DDX3Y: variants seen among roughly 807,000 people sequenced by gnomAD.
The protein encoded by DDX3Y is DEAD-box helicase 3 Y-linked.
Under a neutral mutation model 15.1 loss-of-function variants are expected in DDX3Y, and 2 were observed. That is an observed-to-expected ratio of 0.13 (90% CI 0.05 to 0.42). The LOEUF is 0.42. DDX3Y is among the 10% of genes least tolerant of loss of function. DDX3Y has a pLI of 0.99. For synonymous variants in DDX3Y, 47 were observed against 45.0 expected, an observed-to-expected ratio of 1.04 and a Z score of -0.18; for missense variants, 81 against 149.9, an observed-to-expected ratio of 0.54 and a Z score of 2.40.
At position 12,904,898 on chromosome Y, in the gene DDX3Y, C is replaced by T; in HGVS notation, c.-39C>T. ...AAGAGTTCCGCTATTCGGTCTCACA[C>T]CTACAGTGGACTACCCGATTTTTCG... On this transcript the variant is annotated 5_prime_UTR_variant, in exon 1 of 17. Transcript: ENST00000336079. 1 of 394,071 alleles carries T rather than the reference C, an allele frequency of 2.5e-6. No homozygotes were observed. The highest frequency in any genetic ancestry group is 3.6e-6 in the Non-Finnish European group (1 of 279,093).
At position 12,905,754 on chromosome Y, in the gene DDX3Y, G is replaced by A. The variant is rs1414748597; in HGVS notation, c.45+773G>A. 4 of 314,352 alleles carry A rather than the reference G, an allele frequency of 1.3e-5. No individual in the cohort carries two copies. In the East Asian group the frequency reaches 6.8e-4, roughly 54 times the overall value. 78.4% of individuals were successfully genotyped at this position (314,352 alleles called of 400,897 possible). On this transcript the variant is annotated intron_variant, in intron 1 of 16. Transcript: ENST00000336079. The stretch of plus-strand genomic sequence containing the variant: ...GAGGGTAGGGAAGGATGGCTGCCGC[G>A]TGCTTCTCTTGACCCTGTAGAAATA...
At chrY:12,911,062 G>A (rs2053626135) in intron 3 of DDX3Y, among the ~76,000 whole-genome samples, 1 of 31,626 alleles carries the variant, frequency 3.2e-5, no homozygotes, top group African/African-American at 1.3e-4. Flanking sequence ...ATAGGTGCCC[G>A]CCACCATGCC....
chrY:12,913,860 T>A lies in DDX3Y; in HGVS notation c.673+7T>A. ...ATGGCTTGTGCCCAAACAGGTAAGC[T>A]TACTCAATACAAAGTGAAAGTTAAG... On this transcript the variant is annotated splice_region_variant and intron_variant, in intron 7 of 16. Transcript: ENST00000336079. 5.1e-6 allele frequency: 2 copies of A among 390,357 alleles called. No homozygotes were observed. Among genetic ancestry groups the A allele is most frequent in the Non-Finnish European group, 7.2e-6 (2 of 279,031 alleles).
At chrY:12,907,425 A>G in intron 1 of DDX3Y, 112 bp from the exon 2 acceptor site, 1 of 133,822 alleles carries the variant, frequency 7.5e-6, no homozygotes, top group Non-Finnish European at 1.3e-5. Flanking sequence ...CCAGGCCGAC[A>G]TGGCAGCTAA....
At chrY:12,917,995 A>G in intron 16 of DDX3Y, 48 bp from the exon 17 acceptor site, 1 of 283,600 alleles carries the variant, frequency 3.5e-6, no homozygotes, top group Non-Finnish European at 5.4e-6. Context: ...GAGAAAAAAA[A>G]GGTATTAACG....
At position 12,913,050 on chromosome Y, in the gene DDX3Y, A is replaced by G. The variant is rs1481064202; in HGVS notation, c.525A>G (p.Pro175=). Residue 175 remains proline (P), a synonymous_variant, in exon 6 of 17, where the codon CCA becomes CCG. Coordinates refer to ENST00000336079, the MANE Select transcript of DDX3Y (RefSeq NM_004660.5). ...AGGCAACCGGCAGTAACTGTCCTCCACATATTGAGAATGTAAGTTTTTTGT... is the reference window on the plus strand; with the variant it reads ...AGGCAACCGGCAGTAACTGTCCTCCGCATATTGAGAATGTAAGTTTTTTGT... ...PVEATGSNCP[P]HIENFSDIDM... is the part of the protein sequence containing the mutation. 5.1e-6 allele frequency: 2 copies of G among 390,746 alleles called. No individual in the cohort carries two copies. The highest frequency in any genetic ancestry group is 7.2e-6 in the Non-Finnish European group (2 of 276,603).
chrY:12,916,980 T>C lies in DDX3Y; in HGVS notation c.1683T>C (p.Ala561=). ...TKDLLDLLVE[A]KQEVPSWLEN... ...ATTTGTTGGATCTTCTTGTAGAAGC[T>C]AAACAAGAAGTGCCTTCTTGGTTGG... Residue 561 remains alanine, a synonymous_variant, in exon 15 of 17, where the codon GCT becomes GCC. Coordinates refer to ENST00000336079, the MANE Select transcript of DDX3Y (RefSeq NM_004660.5). 1 of 395,637 alleles carries C rather than the reference T, an allele frequency of 2.5e-6. No individual in the cohort carries two copies.
At chrY:12,909,095 G>C in intron 2 of DDX3Y, among the ~76,000 whole-genome samples, 1 of 33,448 alleles carries the variant, frequency 3.0e-5, no homozygotes, top group African/African-American at 1.2e-4. Context: ...ATGTTTAATG[G>C]TCAGTGTTGA....
chrY:12,907,282 A>G (rs2053614843), intron 1 of DDX3Y, among the ~76,000 whole-genome samples: 3 of 33,684 alleles, frequency 8.9e-5, no homozygotes, highest in Admixed American at 5.4e-4. Flanking sequence ...CACTTCGGAA[A>G]ATTGTTAAGG....
chrY:12,905,105 G>A, intron 1 of DDX3Y, 124 bp downstream of exon 1: 1 of 200,117 alleles, frequency 5.0e-6, no homozygotes, highest in Non-Finnish European at 9.0e-6. Context: ...ATGTGACTGG[G>A]ACTCTAGGGA....
At position 12,918,146 on chromosome Y, in the gene DDX3Y, C is replaced by T. The variant is rs781449553; in HGVS notation, c.*24C>T. On this transcript the variant is annotated 3_prime_UTR_variant, in exon 17 of 17. Coordinates refer to ENST00000336079, the MANE Select transcript of DDX3Y (RefSeq NM_004660.5). ...GAATCTGCTTTGCAGCAAAGTCACC[C>T]TTACAAAGAAGCTAATATGGAAACC... 2.8e-6 allele frequency: 1 copy of T among 352,885 alleles called. No individual in the cohort carries two copies. The highest frequency in any genetic ancestry group is 9.7e-5 in the East Asian group (1 of 10,332). 88.0% of individuals were successfully genotyped at this position (352,885 alleles called of 400,897 possible). A position where few individuals can be genotyped will look rare whatever the true frequency, so the allele number is the denominator to read the frequency against.
chrY:12,905,905 T>C (rs2053610293), intron 1 of DDX3Y: 4 of 136,382 alleles, frequency 2.9e-5, no homozygotes, highest in Non-Finnish European at 5.3e-5. Context: ...TTATATGGTA[T>C]TGTATCTTTA....
chrY:12,909,279 G>T, intron 2 of DDX3Y, 81 bp from the exon 3 acceptor site: 1 of 263,820 alleles, frequency 3.8e-6, no homozygotes, highest in East Asian at 1.0e-4. Context: ...TGTTTTCCAG[G>T]ACCTATTTTT....
In DDX3Y at chrY:12,916,594, T is replaced by C. The variant is rs2053648571; in HGVS notation, c.1569T>C (p.Tyr523=). 2 of 395,701 alleles carry C rather than the reference T, an allele frequency of 5.1e-6. No homozygotes were observed. Among genetic ancestry groups the C allele is most frequent in the South Asian group, 6.0e-5 (2 of 33,553 alleles). ...ATTTGCCAAGTGATATTGAAGAATA[T>C]GTGCATCGTATTGGCCGTACAGGAC... ...NFDLPSDIEE[Y]VHRIGRTGRV... Residue 523 remains tyrosine (Y), a synonymous_variant, in exon 14 of 17, where the codon TAT becomes TAC. Coordinates refer to ENST00000336079, the MANE Select transcript of DDX3Y (RefSeq NM_004660.5).
At chrY:12,905,521 T>G in intron 1 of DDX3Y, among the ~76,000 whole-genome samples, 1 of 34,031 alleles carries the variant, frequency 2.9e-5, no homozygotes, top group East Asian at 7.7e-4. Context: ...TTGGCAGCGC[T>G]GTGTTCCTTG....
intron 3 of DDX3Y, among the ~76,000 whole-genome samples, chrY:12,911,096 G>A: frequency 6.2e-5 from 2 of 32,003 alleles, no homozygotes; most frequent in Admixed American, 5.7e-4. Context: ...TGTATTTTTA[G>A]TAGAGACGGG....
intron 2 of DDX3Y, 136 bp downstream of exon 2, chrY:12,907,730 C>G (rs2053616209): frequency 9.7e-6 from 1 of 103,135 alleles, no homozygotes; most frequent in Non-Finnish European, 1.8e-5. Flanking sequence ...TTTGGTGTGT[C>G]TGGGTAATAA....
intron 3 of DDX3Y, among the ~76,000 whole-genome samples, chrY:12,911,061 C>T (rs921401969): frequency 3.1e-5 from 1 of 31,755 alleles, no homozygotes; most frequent in Non-Finnish European, 7.7e-5. Context: ...CATAGGTGCC[C>T]GCCACCATGC....
At chrY:12,911,501 T>TAA (rs2053627891) in intron 3 of DDX3Y, among the ~76,000 whole-genome samples, 2 of 33,688 alleles carry the variant, frequency 5.9e-5, no homozygotes, top group African/African-American at 1.2e-4. Context: ...AGACTCATCT[T>TAA]AAATAATTTA....
Sources: gnomAD v4.1 joint callset for allele counts (sites outside exome capture counted in the v4.1 genomes callset) on GRCh38, gnomAD v4.1.1 for gene constraint, MANE v1.5 for transcripts, NCBI Gene and HGNC (gene_info 2026-07-23, HGNC 2026-07-21) for gene names.